Variants in PRKD1 observed in about 807,000 individuals in gnomAD.
The protein encoded by PRKD1 is protein kinase D1.
In PRKD1, 63 loss-of-function variants were observed where a neutral mutation model predicts 95.9. That is an observed-to-expected ratio of 0.66 (90% CI 0.54 to 0.81). PRKD1 has a LOEUF of 0.81. PRKD1 is among the 30% of genes least tolerant of loss of function. The pLI is 0.00. For missense variants in PRKD1, 1,048 were observed against 1,165.3 expected (o/e 0.90, Z 1.47); for synonymous variants, 425 against 423.1 (o/e 1.00, Z -0.05).
chr14:29,829,664 C>A (rs1891328530), intron 1 of PRKD1, among the ~76,000 whole-genome samples: 1 of 152,108 alleles, frequency 6.6e-6, no homozygotes, highest in Non-Finnish European at 1.5e-5. Context: ...TAGTATTTCT[C>A]CACTAACACA....
At chr14:29,789,117 C>T (rs1423454393) in intron 1 of PRKD1, among the ~76,000 whole-genome samples, 1 of 152,104 alleles carries the variant, frequency 6.6e-6, no homozygotes, top group Non-Finnish European at 1.5e-5. Context: ...AATTCCTGAG[C>T]TCAAGTGATG....
chr14:29,708,695 A>T (rs942379940), intron 2 of PRKD1, among the ~76,000 whole-genome samples: 1 of 152,280 alleles, frequency 6.6e-6, no homozygotes, highest in Non-Finnish European at 1.5e-5. Flanking sequence ...TCTACAAAAA[A>T]TACAAAAATT....
chr14:29,664,888 G>T (rs1594408329), intron 3 of PRKD1, among the ~76,000 whole-genome samples: 1 of 152,300 alleles, frequency 6.6e-6, no homozygotes, highest in Non-Finnish European at 1.5e-5. Flanking sequence ...AACTTAGACG[G>T]TTTAATTTCC....
At chr14:29,815,004 T>C (rs1050636850) in intron 1 of PRKD1, among the ~76,000 whole-genome samples, 2 of 152,342 alleles carry the variant, frequency 1.3e-5, no homozygotes, top group Admixed American at 6.5e-5. Context: ...CAAAGTGTTT[T>C]GTGTTGATTC....
intron 2 of PRKD1, among the ~76,000 whole-genome samples, chr14:29,720,197 T>G (rs761152785): frequency 2.6e-4 from 40 of 152,118 alleles, no homozygotes; most frequent in Non-Finnish European, 7.4e-5. Flanking sequence ...TACAAGCAAT[T>G]TTACTTTAAT....
intron 4 of PRKD1, among the ~76,000 whole-genome samples, chr14:29,653,119 C>A (rs1382779918): frequency 2.0e-5 from 3 of 152,036 alleles, no homozygotes; most frequent in African/African-American, 4.8e-5. Flanking sequence ...AGTCAGTAAA[C>A]CTGTATGAAA....
intron 1 of PRKD1, among the ~76,000 whole-genome samples, chr14:29,788,234 A>T (rs372357380): frequency 2.6e-5 from 4 of 152,262 alleles, no homozygotes; most frequent in African/African-American, 9.6e-5. Flanking sequence ...TACTTTGAGT[A>T]TAGTATCTCA....
intron 2 of PRKD1, among the ~76,000 whole-genome samples, chr14:29,688,675 T>C (rs549570532): frequency 4.6e-5 from 7 of 152,112 alleles, no homozygotes; most frequent in Non-Finnish European, 5.9e-5. Context: ...TTCGTCCCTG[T>C]AATCCAAGCA....
intron 1 of PRKD1, among the ~76,000 whole-genome samples, chr14:29,835,121 A>C (rs1891561707): frequency 6.6e-6 from 1 of 152,130 alleles, no homozygotes; most frequent in African/African-American, 2.4e-5. Context: ...TTAATTAAAA[A>C]TGTGTCATGT....
At position 29,636,383 on chromosome 14, in the gene PRKD1, T is replaced by C; in HGVS notation, c.1097A>G (p.Gln366Arg). The C allele has an allele frequency of 6.2e-7, 1 of 1,614,216 alleles. No homozygotes were observed. The highest frequency in any genetic ancestry group is 8.5e-7 in the Non-Finnish European group (1 of 1,180,050). ...LMDDMEEAMVQDAEMAMAECQ... is the reference protein window; with the variant it reads ...LMDDMEEAMVRDAEMAMAECQ... ...CTCTGCCATTGCCATCTCTGCATCT[T>C]GGACCATTGCTTCTTCCATATCATC... Residue 366 changes from glutamine to arginine, a missense_variant, in exon 7 of 18, where the codon CAA becomes CGA. Gln to Arg is a conservative substitution (Grantham distance 43). Coordinates refer to ENST00000331968, the MANE Select transcript of PRKD1 (RefSeq NM_002742.3).
chr14:29,846,409 G>A (rs1260624961), intron 1 of PRKD1, among the ~76,000 whole-genome samples: 1 of 152,148 alleles, frequency 6.6e-6, no homozygotes, highest in African/African-American at 2.4e-5. Context: ...AGGGAGAGAG[G>A]TTACCCTATG....
At chr14:29,814,093 T>G (rs1318061860) in intron 1 of PRKD1, among the ~76,000 whole-genome samples, 1 of 152,222 alleles carries the variant, frequency 6.6e-6, no homozygotes, top group Non-Finnish European at 1.5e-5. Context: ...CAGACTTCTC[T>G]CCAACCTGAC....
At chr14:29,729,108 T>G (rs551271770) in intron 1 of PRKD1, among the ~76,000 whole-genome samples, 1 of 152,290 alleles carries the variant, frequency 6.6e-6, no homozygotes, top group South Asian at 2.1e-4. Context: ...AATTTTCTCC[T>G]ATATTTTATT....
intron 1 of PRKD1, among the ~76,000 whole-genome samples, chr14:29,791,454 C>T (rs984447652): frequency 6.6e-6 from 1 of 152,142 alleles, no homozygotes; most frequent in Non-Finnish European, 1.5e-5. Context: ...CATCACCTCT[C>T]ATATTCCTCC....
At position 29,638,479 on chromosome 14, in the gene PRKD1, T is replaced by G; in HGVS notation, c.985+10A>C. 1 of 1,613,462 alleles carries G rather than the reference T, an allele frequency of 6.2e-7. No homozygotes were observed. Among genetic ancestry groups the G allele is most frequent in the Non-Finnish European group, 8.5e-7 (1 of 1,179,360 alleles). On this transcript the variant is annotated intron_variant, in intron 6 of 17. Transcript: ENST00000331968. ...AGAAGCACAGACATGACAGCTGATC[T>G]TTTACCTACCTCCATTAATGGTCAC...
At chr14:29,770,581 G>C (rs549501328) in intron 1 of PRKD1, among the ~76,000 whole-genome samples, 45 of 152,232 alleles carry the variant, frequency 3.0e-4, no homozygotes, top group South Asian at 2.5e-3. Context: ...AGTTATAAAG[G>C]GGCAAAAAAT....
chr14:29,830,219 T>C (rs1891346590), intron 1 of PRKD1, among the ~76,000 whole-genome samples: 1 of 152,170 alleles, frequency 6.6e-6, no homozygotes, highest in Admixed American at 6.5e-5. Context: ...ACAATAAGGG[T>C]AATCTGAAAT....
At chr14:29,885,811 A>T (rs1396809844) in intron 1 of PRKD1, among the ~76,000 whole-genome samples, 5 of 135,902 alleles carry the variant, frequency 3.7e-5, no homozygotes, top group African/African-American at 1.6e-4. Flanking sequence ...TACTAAAAAA[A>T]AAAAAAAAAA....
At chr14:29,680,095 A>G (rs1046217266) in intron 2 of PRKD1, among the ~76,000 whole-genome samples, 1 of 152,182 alleles carries the variant, frequency 6.6e-6, no homozygotes, top group Non-Finnish European at 1.5e-5. Context: ...TCACTGGTGG[A>G]CAACTTTAGT....
Sources: allele counts gnomAD v4.1 joint callset (sites outside exome capture counted in the v4.1 genomes callset), GRCh38; gene constraint gnomAD v4.1.1; transcripts MANE v1.5; gene names NCBI Gene and HGNC (gene_info 2026-07-23, HGNC 2026-07-21).